MAGI2: variants seen among roughly 807,000 people sequenced by gnomAD.
MAGI2 encodes membrane associated guanylate kinase, WW and PDZ domain containing 2, also known as membrane-associated guanylate kinase, WW and PDZ domain-containing protein 2.
MAGI2 carries 35 observed loss-of-function variants against 133.3 expected under a neutral mutation model. The ratio of observed to expected loss-of-function variants is 0.26; its 90% CI spans 0.20 to 0.35. The LOEUF (loss-of-function observed/expected upper bound fraction) is 0.35, where lower values mean the gene tolerates loss of function less well. MAGI2 is among the 10% of genes least tolerant of loss of function. The pLI, the probability that MAGI2 is intolerant of heterozygous loss-of-function variation, is 1.00. For missense variants in MAGI2, 1,636 were observed against 1,863.4 expected, an observed-to-expected ratio of 0.88 and a Z score of 2.25; for synonymous variants, 729 against 710.6, an observed-to-expected ratio of 1.03 and a Z score of -0.41.
At chr7:78,206,773 A>G (rs543113693) in intron 10 of MAGI2, among the ~76,000 whole-genome samples, 1 of 152,214 alleles carries the variant, frequency 6.6e-6, no homozygotes, top group Non-Finnish European at 1.5e-5. Flanking sequence ...TTACAACGTC[A>G]TGTATTTCAT....
At chr7:79,049,276 C>CT (rs371937291) in intron 1 of MAGI2, among the ~76,000 whole-genome samples, 2 of 152,024 alleles carry the variant, frequency 1.3e-5, no homozygotes, top group South Asian at 2.1e-4. Context: ...ATTAATAAGA[C>CT]TTTTTTTTCC....
At chr7:78,544,123 G>A (rs755502414) in intron 3 of MAGI2, among the ~76,000 whole-genome samples, 17 of 152,156 alleles carry the variant, frequency 1.1e-4, no homozygotes, top group Non-Finnish European at 1.9e-4. Flanking sequence ...TCCAGGGACT[G>A]GAAATGGAAT....
At chr7:78,919,663 A>G (rs1799077650) in intron 2 of MAGI2, among the ~76,000 whole-genome samples, 1 of 152,132 alleles carries the variant, frequency 6.6e-6, no homozygotes, top group African/African-American at 2.4e-5. Context: ...GTAGTTTTAT[A>G]ACATGATATT....
intron 2 of MAGI2, among the ~76,000 whole-genome samples, chr7:78,638,775 A>G (rs1017565232): frequency 6.6e-6 from 1 of 152,192 alleles, no homozygotes; most frequent in Non-Finnish European, 1.5e-5. Context: ...TTTTGTTACC[A>G]ATTAATTTAT....
chr7:78,260,862 A>T (rs1051429695), intron 9 of MAGI2, among the ~76,000 whole-genome samples: 1 of 152,180 alleles, frequency 6.6e-6, no homozygotes, highest in Non-Finnish European at 1.5e-5. Flanking sequence ...TATGAAAAAA[A>T]TGTTCTAAGA....
chr7:78,262,141 C>T (rs868493925), intron 9 of MAGI2, among the ~76,000 whole-genome samples: 5 of 152,206 alleles, frequency 3.3e-5, no homozygotes, highest in South Asian at 2.1e-4. Flanking sequence ...CTGGATCTTA[C>T]CATGGTTCTA....
intron 1 of MAGI2, among the ~76,000 whole-genome samples, chr7:79,329,763 G>T (rs760586717): frequency 4.6e-5 from 7 of 152,232 alleles, no homozygotes; most frequent in Non-Finnish European, 1.0e-4. Flanking sequence ...TTATTGTGGA[G>T]ATTGGTAAAT....
chr7:79,376,165 G>A (rs1843365656), intron 1 of MAGI2, among the ~76,000 whole-genome samples: 2 of 151,792 alleles, frequency 1.3e-5, no homozygotes, highest in Non-Finnish European at 2.9e-5. Context: ...TATGTTCAAA[G>A]CTCCCCAGTG....
At chr7:79,021,623 T>C (rs1000661191) in intron 1 of MAGI2, among the ~76,000 whole-genome samples, 9 of 152,234 alleles carry the variant, frequency 5.9e-5, no homozygotes, top group Non-Finnish European at 1.3e-4. Context: ...AATGCCTATA[T>C]CACCATTGTA....
chr7:79,111,586 A>G (rs182679774), intron 1 of MAGI2, among the ~76,000 whole-genome samples: 49 of 152,336 alleles, frequency 3.2e-4, no homozygotes, highest in Admixed American at 2.2e-3. Context: ...ATAAGCAAGC[A>G]TTTTACAGAA....
rs1377694433 is a variant in MAGI2, at chr7:78,489,858, C to G, written c.966-18G>C. The G allele has an allele frequency of 1.9e-6, 3 of 1,582,430 alleles. No homozygotes were observed. Among genetic ancestry groups the G allele is most frequent in the Non-Finnish European group, 2.6e-6 (3 of 1,153,108 alleles). On this transcript the variant is annotated intron_variant, in intron 5 of 21. Coordinates refer to ENST00000354212, the MANE Select transcript of MAGI2 (RefSeq NM_012301.4). ...TGTTATGGCTGAAAAGAAAAGAGAT[C>G]ACTCTGAACAGACACATACTAAAAG...
chr7:79,219,789 C>T lies in MAGI2; in HGVS notation c.302-212583G>A, dbSNP rs1001814599. ...TCAGTATTTGAGAGTCTCAATACTG[C>T]CATCTGCATAGGCTATCTGGACACT... is the stretch of plus-strand genomic sequence containing the variant. On this transcript the variant is annotated intron_variant, in intron 1 of 21. Coordinates refer to ENST00000354212, the MANE Select transcript of MAGI2 (RefSeq NM_012301.4). 2.2e-4 allele frequency among the ~76,000 whole-genome samples: 33 copies of T among 151,890 alleles called. 1 individual carries two copies. Among genetic ancestry groups the T allele is most frequent in the African/African-American group, 6.5e-4 (27 of 41,262 alleles).
chr7:79,278,016 T>C (rs1208750594), intron 1 of MAGI2, among the ~76,000 whole-genome samples: 1 of 152,146 alleles, frequency 6.6e-6, no homozygotes, highest in East Asian at 1.9e-4. Context: ...ACCGACATGA[T>C]TTTGATGTCC....
intron 1 of MAGI2, among the ~76,000 whole-genome samples, chr7:79,140,630 G>A (rs951930439): frequency 6.6e-6 from 1 of 152,156 alleles, no homozygotes; most frequent in African/African-American, 2.4e-5. Context: ...CACAATGATT[G>A]TAGGTTTCTT....
chr7:78,617,940 C>T (rs1195428623), intron 3 of MAGI2: 2 of 151,944 alleles, frequency 1.3e-5, no homozygotes, highest in East Asian at 3.9e-4. Context: ...CTTTGTCCCC[C>T]AGATTAGGAA....
rs148823334 is a variant in MAGI2, at chr7:78,899,825, A to G, written c.418+107265T>C. ...GTAATCCATCACACCATAACTGTCT[A>G]AAGAATTACCAATGGGCAAAGGTAT... On this transcript the variant is annotated intron_variant, in intron 2 of 21. Transcript: ENST00000354212. 4.2e-4 allele frequency among the ~76,000 whole-genome samples: 64 copies of G among 152,316 alleles called. 1 individual carries two copies. In the East Asian group the frequency reaches 0.011, roughly 26 times the overall value.
chr7:78,806,223 C>T (rs1788565653), intron 2 of MAGI2, among the ~76,000 whole-genome samples: 1 of 152,038 alleles, frequency 6.6e-6, no homozygotes, highest in Admixed American at 6.6e-5. Context: ...TGAATTTCTA[C>T]CTGTGTGACC....
chr7:78,417,091 A>G (rs1403342106), intron 6 of MAGI2, among the ~76,000 whole-genome samples: 2 of 152,184 alleles, frequency 1.3e-5, no homozygotes, highest in African/African-American at 4.8e-5. Flanking sequence ...TAACAAGATC[A>G]GGAAGTATAA....
chr7:79,110,700 T>C (rs982112615), intron 1 of MAGI2, among the ~76,000 whole-genome samples: 12 of 152,264 alleles, frequency 7.9e-5, no homozygotes, highest in African/African-American at 2.9e-4. Flanking sequence ...TATTTTGCAG[T>C]GTGAGAAGGA....
Sources: gnomAD v4.1 joint callset for allele counts (sites outside exome capture counted in the v4.1 genomes callset) on GRCh38, gnomAD v4.1.1 for gene constraint, MANE v1.5 for transcripts, NCBI Gene and HGNC (gene_info 2026-07-23, HGNC 2026-07-21) for gene names.